CPNE4: variants seen among roughly 807,000 people sequenced by gnomAD.
CPNE4 encodes copine 4, also known as copine-4.
In CPNE4, 25 loss-of-function variants were observed where a neutral mutation model predicts 67.9. That is an observed-to-expected ratio of 0.37 (90% confidence interval 0.27 to 0.51). CPNE4 has a LOEUF of 0.51. CPNE4 is among the 20% of genes least tolerant of loss of function. The pLI, the probability that CPNE4 is intolerant of heterozygous loss-of-function variation, is 0.93. For missense variants in CPNE4, 464 were observed against 690.8 expected (o/e 0.67, Z 3.68); for synonymous variants, 242 against 244.9 (o/e 0.99, Z 0.11).
chr3:131,875,219 C>T (rs1343429877), intron 2 of CPNE4, among the ~76,000 whole-genome samples: 1 of 151,666 alleles, frequency 6.6e-6, no homozygotes, highest in Non-Finnish European at 1.5e-5. Context: ...TACATTATCA[C>T]TTAAAAAAAA....
At chr3:131,777,568 G>T (rs2083322041) in intron 2 of CPNE4, among the ~76,000 whole-genome samples, 1 of 152,042 alleles carries the variant, frequency 6.6e-6, no homozygotes, top group South Asian at 2.1e-4. Flanking sequence ...AAGACTAAGT[G>T]CCTTTCTAGG....
chr3:132,025,341 G>A (rs756038248), intron 1 of CPNE4, among the ~76,000 whole-genome samples: 8 of 152,126 alleles, frequency 5.3e-5, no homozygotes, highest in Non-Finnish European at 8.8e-5. Context: ...AGTACTAAAC[G>A]TACCTTTCAT....
At chr3:131,647,813 C>CAATAACATTTCCTACCA (rs2079703533) in intron 7 of CPNE4, among the ~76,000 whole-genome samples, 1 of 152,148 alleles carries the variant, frequency 6.6e-6, no homozygotes, top group Non-Finnish European at 1.5e-5. Context: ...GGTCTCTGGG[C>CAATAACATTTCCTACCA]AATAACATTT....
chr3:131,704,014 G>A (rs568020731), intron 3 of CPNE4, among the ~76,000 whole-genome samples: 1 of 152,298 alleles, frequency 6.6e-6, no homozygotes, highest in South Asian at 2.1e-4. Flanking sequence ...CTTCAACAGA[G>A]CTTTAGTTGT....
chr3:131,988,469 A>G (rs1423099425), intron 1 of CPNE4, among the ~76,000 whole-genome samples: 1 of 152,230 alleles, frequency 6.6e-6, no homozygotes. Flanking sequence ...GGGTCAGTCT[A>G]GTAGACCAAA....
intron 2 of CPNE4, among the ~76,000 whole-genome samples, chr3:131,820,761 T>C (rs909160768): frequency 5.3e-5 from 8 of 152,346 alleles, no homozygotes; most frequent in Middle Eastern, 3.4e-3. Flanking sequence ...TTTCTCAGTA[T>C]TTCTATGAGG....
chr3:131,981,526 G>T (rs2072909153), intron 1 of CPNE4, among the ~76,000 whole-genome samples: 1 of 152,146 alleles, frequency 6.6e-6, no homozygotes, highest in South Asian at 2.1e-4. Flanking sequence ...TGAAGAGCCA[G>T]TCTCACTCCA....
At chr3:131,657,018 G>A (rs565836275) in intron 7 of CPNE4, among the ~76,000 whole-genome samples, 10 of 152,110 alleles carry the variant, frequency 6.6e-5, no homozygotes, top group African/African-American at 9.7e-5. Flanking sequence ...GAGTGTGACC[G>A]TAAGCCCTTT....
At chr3:131,622,141 C>G (rs953472036) in intron 7 of CPNE4, among the ~76,000 whole-genome samples, 1 of 151,946 alleles carries the variant, frequency 6.6e-6, no homozygotes, top group African/African-American at 2.4e-5. Flanking sequence ...TCCTGAGTCT[C>G]TGTAACTCAG....
chr3:131,810,301 C>A (rs533124132), intron 2 of CPNE4, among the ~76,000 whole-genome samples: 1 of 152,020 alleles, frequency 6.6e-6, no homozygotes, highest in Non-Finnish European at 1.5e-5. Context: ...TGTCATATAT[C>A]TGATAAATGG....
At chr3:131,777,378 GT>G (rs35495075) in intron 2 of CPNE4, among the ~76,000 whole-genome samples, 24,906 of 142,494 alleles carry the variant, frequency 0.17, 2,321 homozygotes, top group African/African-American at 0.27. Context: ...GCATTTCAAG[GT>G]TTTTTTTTTT....
chr3:131,939,269 T>C (rs890208298), intron 1 of CPNE4, among the ~76,000 whole-genome samples: 2 of 152,008 alleles, frequency 1.3e-5, no homozygotes, highest in Admixed American at 1.3e-4. Flanking sequence ...AATGCAGCTG[T>C]CAACAACAAC....
At chr3:131,863,535 C>T (rs193071070) in intron 2 of CPNE4, among the ~76,000 whole-genome samples, 301 of 152,298 alleles carry the variant, frequency 2.0e-3, no homozygotes, top group Middle Eastern at 3.4e-3. Context: ...TCATATCCTT[C>T]GCCCACTTTT....
intron 1 of CPNE4, among the ~76,000 whole-genome samples, chr3:131,977,325 A>G (rs2072688315): frequency 6.6e-6 from 1 of 152,204 alleles, no homozygotes; most frequent in African/African-American, 2.4e-5. Context: ...TAGTCCAAGC[A>G]AGACACCATT....
chr3:131,937,368 C>T (rs2071253873), intron 1 of CPNE4, among the ~76,000 whole-genome samples: 2 of 152,160 alleles, frequency 1.3e-5, no homozygotes, highest in Non-Finnish European at 2.9e-5. Flanking sequence ...TATAGCAACA[C>T]TTGCAAGGTT....
At chr3:131,655,713 G>C (rs939061209) in intron 7 of CPNE4, among the ~76,000 whole-genome samples, 1 of 152,064 alleles carries the variant, frequency 6.6e-6, no homozygotes, top group Non-Finnish European at 1.5e-5. Flanking sequence ...GAATCCAAAG[G>C]ATGCTCTTTC....
chr3:131,786,797 C>T (rs1410443591), intron 2 of CPNE4, among the ~76,000 whole-genome samples: 3 of 152,116 alleles, frequency 2.0e-5, no homozygotes, highest in Non-Finnish European at 2.9e-5. Flanking sequence ...CAGTGCTTGG[C>T]CCATAGTGTG....
intron 2 of CPNE4, among the ~76,000 whole-genome samples, chr3:131,809,502 A>G (rs1371582051): frequency 6.6e-6 from 1 of 151,506 alleles, no homozygotes; most frequent in Non-Finnish European, 1.5e-5. Context: ...GAGAAAGTGA[A>G]TACCCCTTCC....
chr3:131,695,149 G>T (rs1480216149), intron 5 of CPNE4, among the ~76,000 whole-genome samples: 1 of 152,088 alleles, frequency 6.6e-6, no homozygotes, highest in Admixed American at 6.6e-5. Context: ...GTCCAAACTG[G>T]AGCAAAGGCC....
Sources: gnomAD v4.1 joint callset for allele counts (sites outside exome capture counted in the v4.1 genomes callset) on GRCh38, gnomAD v4.1.1 for gene constraint, MANE v1.5 for transcripts, NCBI Gene and HGNC (gene_info 2026-07-23, HGNC 2026-07-21) for gene names.